SYT1: variants seen among roughly 807,000 people sequenced by gnomAD.
SYT1 encodes synaptotagmin-1.
Under a neutral mutation model 44.8 loss-of-function variants are expected in SYT1, and 8 were observed. The ratio of observed to expected loss-of-function variants is 0.18; its 90% CI spans 0.10 to 0.32. The LOEUF (loss-of-function observed/expected upper bound fraction) is 0.32. Among genes scored for constraint, SYT1 ranks in the 10% least tolerant of loss-of-function variants. The pLI, the probability that SYT1 is intolerant of heterozygous loss-of-function variation, is 1.00. For missense variants in SYT1, 286 were observed against 509.3 expected (o/e 0.56, Z 4.22); for synonymous variants, 154 against 188.8 (o/e 0.82, Z 1.51).
In SYT1 at chr12:79,449,298, G is replaced by C. The variant is rs1350952095; in HGVS notation, c.*174G>C. ...AAATTTAAATGTAGAGAGCCCCTAAGTCCTTCATCATACCACTGCCCTCCA... is the reference window on the plus strand; with the variant it reads ...AAATTTAAATGTAGAGAGCCCCTAACTCCTTCATCATACCACTGCCCTCCA... On this transcript the variant is annotated 3_prime_UTR_variant, in exon 11 of 11. Coordinates refer to ENST00000261205, the MANE Select transcript of SYT1 (RefSeq NM_005639.3). 6.0e-6 allele frequency: 4 copies of C among 664,670 alleles called. No homozygotes were observed. Among genetic ancestry groups the C allele is most frequent in the Admixed American group, 5.9e-5 (2 of 33,864 alleles). 41.2% of individuals were successfully genotyped at this position (664,670 alleles called of 1,614,324 possible).
intron 9 of SYT1, among the ~76,000 whole-genome samples, chr12:79,372,198 C>T (rs1460742462): frequency 2.6e-5 from 4 of 152,056 alleles, no homozygotes; most frequent in Non-Finnish European, 5.9e-5. Context: ...TTTGCATAAC[C>T]GTCATCTAGC....
intron 3 of SYT1, among the ~76,000 whole-genome samples, chr12:79,135,280 T>A (rs1453203111): frequency 7.9e-6 from 1 of 125,956 alleles, no homozygotes; most frequent in Non-Finnish European, 1.6e-5. Context: ...CAGTCCCCAG[T>A]GTGTGATGTT....
rs188193538 is a variant in SYT1 at position 78,877,286 on chromosome 12, T to G, written c.-217+12177T>G. Among the ~76,000 whole-genome samples the G allele has an allele frequency of 8.6e-5, 13 of 151,450 alleles. No individual in the cohort carries two copies. In the Admixed American group the frequency reaches 8.6e-4, roughly 10 times the overall value. On this transcript the variant is annotated intron_variant, in intron 1 of 10. Transcript: ENST00000261205. ...GAGAGCATGTATAGGGGAACTCCCC[T>G]TTATAAAACCACAGGATCTCGTGAG...
chr12:79,324,906 T>TA (rs1881542133), intron 8 of SYT1, among the ~76,000 whole-genome samples: 1 of 152,238 alleles, frequency 6.6e-6, no homozygotes, highest in African/African-American at 2.4e-5. Flanking sequence ...ACCTTTGAGA[T>TA]ACCATGACAT....
rs941585214 is a variant in SYT1, at chr12:79,225,505, C to T, written c.166+7820C>T. On this transcript the variant is annotated intron_variant, in intron 4 of 10. Coordinates refer to ENST00000261205, the MANE Select transcript of SYT1 (RefSeq NM_005639.3). ...AGTTAATGGACTGATACACAAACTC[C>T]GGGTACTTTTGATATAACTTTGAGG... Among the ~76,000 whole-genome samples the T allele has an allele frequency of 7.9e-5, 12 of 152,228 alleles. No homozygotes were observed. In the South Asian group the frequency reaches 8.3e-4, roughly 11 times the overall value.
chr12:79,423,666 C>T (rs1869256678), intron 9 of SYT1, among the ~76,000 whole-genome samples: 1 of 152,090 alleles, frequency 6.6e-6, no homozygotes, highest in Non-Finnish European at 1.5e-5. Context: ...TATCCCTGGA[C>T]ACTGCAAAAT....
At chr12:79,140,678 G>A (rs1869503204) in intron 3 of SYT1, among the ~76,000 whole-genome samples, 1 of 152,082 alleles carries the variant, frequency 6.6e-6, no homozygotes, top group Non-Finnish European at 1.5e-5. Flanking sequence ...TTTGGGTATG[G>A]GGCCTAGGAA....
intron 9 of SYT1, among the ~76,000 whole-genome samples, chr12:79,437,153 A>G (rs1217715362): frequency 6.6e-6 from 1 of 152,178 alleles, no homozygotes; most frequent in Non-Finnish European, 1.5e-5. Context: ...AGATATGACA[A>G]TAAGTTAGGA....
intron 2 of SYT1, among the ~76,000 whole-genome samples, chr12:79,046,847 G>A (rs1027716272): frequency 4.0e-5 from 6 of 151,800 alleles, no homozygotes; most frequent in Middle Eastern, 3.4e-3. Context: ...TTCTAACATC[G>A]GTGAAAAATA....
At chr12:79,337,462 C>G (rs983072822) in intron 8 of SYT1, among the ~76,000 whole-genome samples, 2 of 152,204 alleles carry the variant, frequency 1.3e-5, no homozygotes, top group African/African-American at 4.8e-5. Flanking sequence ...TGCATCAAGA[C>G]CCCATTTTCC....
intron 3 of SYT1, among the ~76,000 whole-genome samples, chr12:79,078,984 A>G (rs1475847597): frequency 6.6e-6 from 1 of 152,204 alleles, no homozygotes; most frequent in Non-Finnish European, 1.5e-5. Flanking sequence ...TAAAAGGCAC[A>G]TTAATTTAAA....
intron 1 of SYT1, among the ~76,000 whole-genome samples, chr12:78,965,493 A>G (rs965797097): frequency 3.9e-5 from 6 of 152,340 alleles, no homozygotes; most frequent in African/African-American, 1.2e-4. Flanking sequence ...AATCAAATAC[A>G]TGTGTTCCCC....
chr12:79,314,738 C>T (rs763164072), intron 8 of SYT1, among the ~76,000 whole-genome samples: 2 of 152,118 alleles, frequency 1.3e-5, no homozygotes, highest in Non-Finnish European at 2.9e-5. Flanking sequence ...AATGGAAACT[C>T]ATGTATACAC....
At chr12:79,269,695 TACAC>T (rs113612431) in intron 4 of SYT1, among the ~76,000 whole-genome samples, 1 of 150,068 alleles carries the variant, frequency 6.7e-6, no homozygotes, top group African/African-American at 2.4e-5. Flanking sequence ...TATGAAAAAG[TACAC>T]ACACACACAC....
chr12:79,326,068 A>G (rs866009356), intron 8 of SYT1, among the ~76,000 whole-genome samples: 5 of 152,376 alleles, frequency 3.3e-5, no homozygotes, highest in South Asian at 4.1e-4. Flanking sequence ...CTTAAAGGGT[A>G]GTACAGCAAA....
chr12:79,101,778 A>C (rs1878458809), intron 3 of SYT1, among the ~76,000 whole-genome samples: 1 of 152,046 alleles, frequency 6.6e-6, no homozygotes, highest in Non-Finnish European at 1.5e-5. Flanking sequence ...ATGGTGATGC[A>C]TGCCTGTAGT....
chr12:79,305,685 G>A (rs1880358536), intron 8 of SYT1, among the ~76,000 whole-genome samples: 1 of 152,060 alleles, frequency 6.6e-6, no homozygotes, highest in South Asian at 2.1e-4. Context: ...TTCAAACACA[G>A]GTCTAAAAGC....
intron 8 of SYT1, among the ~76,000 whole-genome samples, chr12:79,310,509 G>C (rs765535450): frequency 2.6e-5 from 4 of 151,852 alleles, no homozygotes; most frequent in African/African-American, 9.7e-5. Flanking sequence ...GGCTCTTTTG[G>C]TTCCATATGA....
chr12:79,235,843 C>G (rs1461822542), intron 4 of SYT1, among the ~76,000 whole-genome samples: 2 of 152,002 alleles, frequency 1.3e-5, no homozygotes, highest in African/African-American at 2.4e-5. Context: ...TTTTAAAGCT[C>G]TCTTCTAGAT....
Sources: gnomAD v4.1 joint callset for allele counts (sites outside exome capture counted in the v4.1 genomes callset) on GRCh38, gnomAD v4.1.1 for gene constraint, MANE v1.5 for transcripts, NCBI Gene and HGNC (gene_info 2026-07-23, HGNC 2026-07-21) for gene names.